CYTH1: variants seen among roughly 807,000 people sequenced by gnomAD.
CYTH1 encodes cytohesin-1.
In CYTH1, 18 loss-of-function variants were observed where a neutral mutation model predicts 61.8. The ratio of observed to expected loss-of-function variants is 0.29; its 90% CI spans 0.20 to 0.43. The LOEUF (loss-of-function observed/expected upper bound fraction) is 0.43. CYTH1 is among the 20% of genes least tolerant of loss of function. CYTH1 has a pLI of 1.00. For synonymous variants in CYTH1, 174 were observed against 184.3 expected, an observed-to-expected ratio of 0.94 and a Z score of 0.45; for missense variants, 336 against 510.5, an observed-to-expected ratio of 0.66 and a Z score of 3.29.
rs2092995147 is a variant in CYTH1, at chr17:78,700,370, G to C, written c.511C>G (p.Arg171Gly). ...IDRMMEAFAQ[R>G]YCQCNNGVFQ... ...ACGCCATTATTGCACTGACAATATC[G>C]CTGGGCAAACGCCTCCATCATCCGG... The change falls in exon 7 of 14, where the codon CGA becomes GGA. Residue 171 changes from arginine to glycine, a missense_variant. Around this residue, in one of 4 missense-constraint regions of CYTH1, gnomAD observed 125 missense variants for 209.9 expected, o/e 0.60. Transcript: ENST00000446868. This position sits in a 1 kb window ranked among gnomAD's most constrained non-coding sequence, Gnocchi z 5.1. The C allele has an allele frequency of 6.2e-7, 1 of 1,613,292 alleles. No homozygotes were observed. Among genetic ancestry groups the C allele is most frequent in the African/African-American group, 1.3e-5 (1 of 74,900 alleles).
intron 10 of CYTH1, among the ~76,000 whole-genome samples, chr17:78,693,771 C>T (rs1185877100): frequency 6.6e-6 from 1 of 152,128 alleles, no homozygotes; most frequent in Non-Finnish European, 1.5e-5. Context: ...GCTTTCTCTT[C>T]CTCCACCTCT....
intron 10 of CYTH1, 145 bp downstream of exon 10, chr17:78,695,862 T>C: frequency 1.6e-6 from 2 of 1,219,808 alleles, no homozygotes; most frequent in Non-Finnish European, 2.1e-6. Context: ...ACCAGTTCCC[T>C]AGGGACTGTA....
chr17:78,709,871 GT>G (rs755359980), intron 1 of CYTH1, 139 bp from the exon 2 acceptor site: 13 of 686,318 alleles, frequency 1.9e-5, no homozygotes, highest in Non-Finnish European at 3.2e-5. Context: ...GATAGAAATA[GT>G]TATGGCTCCA....
chr17:78,729,735 G>A (rs1369513862), intron 1 of CYTH1, among the ~76,000 whole-genome samples: 1 of 152,192 alleles, frequency 6.6e-6, no homozygotes, highest in Non-Finnish European at 1.5e-5. Flanking sequence ...ATTTGTAAAT[G>A]CTAACATGAA....
chr17:78,759,498 A>T (rs140199370), intron 1 of CYTH1, among the ~76,000 whole-genome samples: 2 of 152,352 alleles, frequency 1.3e-5, no homozygotes, highest in African/African-American at 4.8e-5. Context: ...GGAACAAAAC[A>T]GAAAACCACA....
At chr17:78,685,538 T>C (rs762639960) in intron 11 of CYTH1, among the ~76,000 whole-genome samples, 59 of 152,220 alleles carry the variant, frequency 3.9e-4, no homozygotes, top group Admixed American at 7.2e-4. Flanking sequence ...AAGTATATTT[T>C]GGTATTAGTT....
intron 10 of CYTH1, among the ~76,000 whole-genome samples, chr17:78,693,592 G>A (rs886633828): frequency 2.7e-5 from 4 of 149,334 alleles, no homozygotes; most frequent in East Asian, 2.0e-4. Flanking sequence ...CTGCACTCCC[G>A]CCTGGGTGAC....
chr17:78,758,909 A>C (rs929103749), intron 1 of CYTH1, among the ~76,000 whole-genome samples: 3 of 152,020 alleles, frequency 2.0e-5, no homozygotes, highest in Non-Finnish European at 4.4e-5. Context: ...GATGTGTACT[A>C]ATCTGCCTCA....
intron 3 of CYTH1, among the ~76,000 whole-genome samples, chr17:78,705,877 G>A (rs568375694): frequency 4.6e-5 from 7 of 152,216 alleles, no homozygotes; most frequent in East Asian, 1.9e-4. Context: ...TGGTGTCTGC[G>A]TTTCCTTGCT....
intron 1 of CYTH1, among the ~76,000 whole-genome samples, chr17:78,760,550 T>TATATATGTATATATATATACACATAC: frequency 2.4e-5 from 1 of 41,348 alleles, no homozygotes; most frequent in Non-Finnish European, 5.2e-5. Flanking sequence ...TATATGTATA[T>TATATATGTATATATATATACACATAC]ATATATGTAT....
chr17:78,776,124 C>A lies in CYTH1; in HGVS notation c.22+6078G>T, dbSNP rs527474461. Among the ~76,000 whole-genome samples the A allele has an allele frequency of 2.0e-5, 3 of 152,214 alleles. No homozygotes were observed. In the East Asian group the frequency reaches 5.8e-4, roughly 29 times the overall value. On this transcript the variant is annotated intron_variant, in intron 1 of 13. Transcript: ENST00000446868. ...GAGCTAAGATCACGCCACTGCACTT[C>A]AGCCTGGGAAACAGAGTAAAACTCT...
At chr17:78,777,334 T>C (rs1478050276) in intron 1 of CYTH1, among the ~76,000 whole-genome samples, 2 of 150,064 alleles carry the variant, frequency 1.3e-5, no homozygotes, top group African/African-American at 2.5e-5. Context: ...CAGGAGATGG[T>C]GTGAACCCAG....
Position 78,698,962 on chromosome 17 carries a change from C to G in CYTH1, c.557G>C (p.Cys186Ser). 3 of 1,609,660 alleles carry G rather than the reference C, an allele frequency of 1.9e-6. No individual in the cohort carries two copies. The highest frequency in any genetic ancestry group is 2.5e-6 in the Non-Finnish European group (3 of 1,178,576). Residue 186 changes from cysteine to serine, a missense_variant, in exon 8 of 14, where the codon TGT (cysteine) becomes TCT (serine). Physicochemically the swap from Cys to Ser is moderately radical, Grantham distance 112. This residue lies in a region of CYTH1 where 125 missense variants were observed against 209.9 expected (regional missense o/e 0.60). Coordinates refer to ENST00000446868, the MANE Select transcript of CYTH1 (RefSeq NM_004762.6). ...NNGVFQSTDTCYVLSFAIIML... is the reference protein window; with the variant it reads ...NNGVFQSTDTSYVLSFAIIML... ...GATGATGGCAAAGGAGAGGACGTAACAAGTATCTAAAGATGAGAGAAAAGC... is the reference window on the plus strand; with the variant it reads ...GATGATGGCAAAGGAGAGGACGTAAGAAGTATCTAAAGATGAGAGAAAAGC...
At chr17:78,734,928 G>C (rs988523172) in intron 1 of CYTH1, among the ~76,000 whole-genome samples, 1 of 152,002 alleles carries the variant, frequency 6.6e-6, no homozygotes, top group African/African-American at 2.4e-5. Flanking sequence ...CCCTCCCCTG[G>C]GATCTCAGGG....
At chr17:78,745,607 T>C (rs953414022) in intron 1 of CYTH1, among the ~76,000 whole-genome samples, 1 of 152,180 alleles carries the variant, frequency 6.6e-6, no homozygotes, top group African/African-American at 2.4e-5. Context: ...AAAATTCCAT[T>C]ACCTGGCTGG....
chr17:78,702,459 A>C (rs2093021581), intron 4 of CYTH1, 79 bp downstream of exon 4: 4 of 1,490,858 alleles, frequency 2.7e-6, no homozygotes, highest in Non-Finnish European at 3.7e-6. Context: ...GCTTGGAAAA[A>C]AACGTTTTTA....
chr17:78,719,677 T>C (rs1458728066), intron 1 of CYTH1, among the ~76,000 whole-genome samples: 1 of 152,176 alleles, frequency 6.6e-6, no homozygotes, highest in East Asian at 1.9e-4. Context: ...CAAACAGTTG[T>C]AATGATACCA....
chr17:78,700,031 T>A lies in CYTH1; in HGVS notation c.550+300A>T, dbSNP rs896355358. ...GTCTCAAACTCCTAGCCTCAAGCAATCCTCTCACCTCGGCCTCCCACCCAA... is the reference window on the plus strand; with the variant it reads ...GTCTCAAACTCCTAGCCTCAAGCAAACCTCTCACCTCGGCCTCCCACCCAA... On this transcript the variant is annotated intron_variant, in intron 7 of 13. Coordinates refer to ENST00000446868, the MANE Select transcript of CYTH1 (RefSeq NM_004762.6). The surrounding 1 kb of genome is among the most constrained non-coding windows in gnomAD (Gnocchi z 5.1). Among the ~76,000 whole-genome samples, 2 of 152,104 alleles carry A rather than the reference T, an allele frequency of 1.3e-5. No individual in the cohort carries two copies. Among genetic ancestry groups the A allele is most frequent in the Non-Finnish European group, 2.9e-5 (2 of 68,026 alleles).
At chr17:78,703,411 C>CAAA (rs67437891) in intron 3 of CYTH1, among the ~76,000 whole-genome samples, 31 of 69,686 alleles carry the variant, frequency 4.4e-4, no homozygotes, top group African/African-American at 1.4e-3. Flanking sequence ...ACTCCGTCTC[C>CAAA]AAAAAAAAAA....
Sources: gnomAD v4.1 joint callset for allele counts (sites outside exome capture counted in the v4.1 genomes callset) on GRCh38, gnomAD v4.1.1 for gene constraint, gnomAD v4.1.1 regional missense constraint, Gnocchi (gnomAD v3.1) non-coding constraint, MANE v1.5 for transcripts, NCBI Gene and HGNC (gene_info 2026-07-23, HGNC 2026-07-21) for gene names.